The following PTDSS2 variants were observed in gnomAD, a reference collection of about 807,000 sequenced individuals.
The protein encoded by PTDSS2 is phosphatidylserine synthase 2.
Under a neutral mutation model 64.7 loss-of-function variants are expected in PTDSS2, and 41 were observed. The observed-to-expected ratio is 0.63, with a 90% CI of 0.49 to 0.82. The LOEUF (loss-of-function observed/expected upper bound fraction) is 0.82, where lower values mean the gene tolerates loss of function less well. Among genes scored for constraint, PTDSS2 ranks in the 40% least tolerant of loss-of-function variants. The pLI, the probability that PTDSS2 is intolerant of heterozygous loss-of-function variation, is 0.00. For synonymous variants in PTDSS2, 297 were observed against 277.8 expected (o/e 1.07, Z -0.69); for missense variants, 485 against 650.0 (o/e 0.75, Z 2.76).
At chr11:487,599 C>A in intron 6 of PTDSS2, 129 bp downstream of exon 6, 1 of 867,700 alleles carries the variant, frequency 1.2e-6, no homozygotes, top group Non-Finnish European at 1.9e-6. Flanking sequence ...GCACTGCAGC[C>A]ACCCAGAGGT....
Position 489,592 on chromosome 11 carries a change from T to C in PTDSS2, c.974T>C (p.Leu325Pro). The C allele has an allele frequency of 6.2e-7, 1 of 1,601,936 alleles. No individual in the cohort carries two copies. Among genetic ancestry groups the C allele is most frequent in the Admixed American group, 1.7e-5 (1 of 57,780 alleles). The change falls in exon 10 of 12, where the codon CTG becomes CCG. Residue 325 changes from leucine to proline, a missense_variant. Leu to Pro is a moderately conservative substitution (Grantham distance 98). Transcript: ENST00000308020. Reference protein sequence around the residue: ...LAVCGIILVFLLAELNTFYLK... With the variant: ...LAVCGIILVFPLAELNTFYLK... Reference sequence around the variant, plus strand: ...GCTCACCCTCTCCTCCCCTAGTTCCTGTTGGCAGAACTGAACACGTTCTAC... The same window carrying C: ...GCTCACCCTCTCCTCCCCTAGTTCCCGTTGGCAGAACTGAACACGTTCTAC...
intron 4 of PTDSS2, among the ~76,000 whole-genome samples, chr11:482,197 T>A (rs1848103605): frequency 6.7e-6 from 1 of 150,038 alleles, no homozygotes. Context: ...TCCAGCTCAA[T>A]GTTTCCTAGA....
At position 460,044 on chromosome 11, in the gene PTDSS2, C is replaced by T. The variant is rs1207188663; in HGVS notation, c.183-143C>T. On this transcript the variant is annotated intron_variant, in intron 1 of 11. Transcript: ENST00000308020. This position sits in a 1 kb window ranked among gnomAD's most constrained non-coding sequence, Gnocchi z 5.8. ...CATCTCGGAGTTACCCAGCTAGGGA[C>T]TCGCAGCCAGTTGCTGGTTGGGAGT... 2 of 657,178 alleles carry T rather than the reference C, an allele frequency of 3.0e-6. No homozygotes were observed. The highest frequency in any genetic ancestry group is 2.3e-5 in the Admixed American group (1 of 43,700). 40.7% of individuals were successfully genotyped at this position (657,178 alleles called of 1,614,324 possible). A position where few individuals can be genotyped will look rare whatever the true frequency, so the allele number is the denominator to read the frequency against.
intron 4 of PTDSS2, 66 bp from the exon 5 acceptor site, chr11:486,873 A>G: frequency 1.3e-6 from 2 of 1,534,330 alleles, no homozygotes; most frequent in Non-Finnish European, 1.8e-6. Context: ...ATAAACAACC[A>G]TGATCTCCCG....
Position 476,522 on chromosome 11 carries a change from C to T in PTDSS2, c.367+2545C>T, listed in dbSNP as rs536842599. ...GCACCAAATCCCTCCTGGGTGGCGGCATCACTGGGGACTGGGACGCAGCCG... is the reference window on the plus strand; with the variant it reads ...GCACCAAATCCCTCCTGGGTGGCGGTATCACTGGGGACTGGGACGCAGCCG... On this transcript the variant is annotated intron_variant, in intron 3 of 11. Coordinates refer to ENST00000308020, the MANE Select transcript of PTDSS2 (RefSeq NM_030783.3). This position sits in a 1 kb window ranked among gnomAD's most constrained non-coding sequence, Gnocchi z 4.9. Among the ~76,000 whole-genome samples the T allele has an allele frequency of 1.3e-5, 2 of 152,250 alleles. No homozygotes were observed. The highest frequency in any genetic ancestry group is 3.9e-4 in the East Asian group (2 of 5,170).
chr11:486,256 C>G (rs902804635), intron 4 of PTDSS2, among the ~76,000 whole-genome samples: 2 of 152,054 alleles, frequency 1.3e-5, no homozygotes, highest in Non-Finnish European at 2.9e-5. Flanking sequence ...ACAAGGGCGA[C>G]TCCTGTGAGG....
At position 482,003 on chromosome 11, in the gene PTDSS2, C is replaced by G. The variant is rs1448153045; in HGVS notation, c.435+2851C>G. Among the ~76,000 whole-genome samples the G allele has an allele frequency of 2.0e-5, 3 of 151,524 alleles. No individual in the cohort carries two copies. The East Asian group carries it at 5.8e-4, about 29-fold the overall frequency. On this transcript the variant is annotated intron_variant, in intron 4 of 11. Coordinates refer to ENST00000308020, the MANE Select transcript of PTDSS2 (RefSeq NM_030783.3). ...GATTACAGGCATGCACCACCATGCC[C>G]AGCTAATTTTTTTTTTTTAATTTTT...
At position 474,891 on chromosome 11, in the gene PTDSS2, G is replaced by A. The variant is rs142613557; in HGVS notation, c.367+914G>A. ...GACATATTCACGTGTTTGTGTGTGC[G>A]GACATATTCACACGTTCGTGTACGG... On this transcript the variant is annotated intron_variant, in intron 3 of 11. Coordinates refer to ENST00000308020, the MANE Select transcript of PTDSS2 (RefSeq NM_030783.3). Among the ~76,000 whole-genome samples, 1,026 of 150,248 alleles carry A rather than the reference G, an allele frequency of 6.8e-3. 9 individuals are homozygous for A. Among genetic ancestry groups the A allele is most frequent in the Admixed American group, 0.013 (193 of 15,116 alleles).
At position 488,538 on chromosome 11, in the gene PTDSS2, G is replaced by C; in HGVS notation, c.745G>C (p.Asp249His). The change falls in exon 8 of 12, where the codon GAC (aspartate) becomes CAC (histidine). Residue 249 changes from aspartate (D) to histidine (H), a missense_variant. Asp to His is a moderately conservative substitution (Grantham distance 81). This residue lies in a region of PTDSS2 where 251 missense variants were observed against 348.0 expected (regional missense o/e 0.72). Coordinates refer to ENST00000308020, the MANE Select transcript of PTDSS2 (RefSeq NM_030783.3). Reference protein sequence around the residue: ...SECWWDHWIMDVLVCNGLGIY... With the variant: ...SECWWDHWIMHVLVCNGLGIY... ...TGGCCCCTCCCTGCAGTGGATCATG[G>C]ACGTGCTCGTCTGCAACGGGCTGGG... is the stretch of plus-strand genomic sequence containing the variant. The C allele has an allele frequency of 6.2e-7, 1 of 1,613,300 alleles. No individual in the cohort carries two copies. The highest frequency in any genetic ancestry group is 8.5e-7 in the Non-Finnish European group (1 of 1,179,822).
intron 4 of PTDSS2, among the ~76,000 whole-genome samples, chr11:483,785 G>T (rs1289738648): frequency 6.6e-6 from 1 of 152,096 alleles, no homozygotes; most frequent in Non-Finnish European, 1.5e-5. Context: ...GGAATGTCTT[G>T]TTCTGGCTTT....
intron 1 of PTDSS2, among the ~76,000 whole-genome samples, chr11:456,098 A>T: frequency 6.6e-6 from 1 of 151,846 alleles, no homozygotes. Context: ...CCTGGCTGTC[A>T]TCACGTCGTT....
At chr11:453,036 G>A (rs570835246) in intron 1 of PTDSS2, among the ~76,000 whole-genome samples, 9 of 152,042 alleles carry the variant, frequency 5.9e-5, no homozygotes, top group African/African-American at 1.9e-4. Flanking sequence ...CAGCCAGGGC[G>A]TTCATTTTCA....
rs189259317 is a variant in PTDSS2 at position 485,400 on chromosome 11, G to A, written c.436-1539G>A. On this transcript the variant is annotated intron_variant, in intron 4 of 11. Coordinates refer to ENST00000308020, the MANE Select transcript of PTDSS2 (RefSeq NM_030783.3). Reference sequence around the variant, plus strand: ...GGGCATGTGTGCTGTGTGTGTGCAGGCGACCGTAAACAGTGCACGGACGCG... The same window carrying A: ...GGGCATGTGTGCTGTGTGTGTGCAGACGACCGTAAACAGTGCACGGACGCG... 1.4e-3 allele frequency among the ~76,000 whole-genome samples: 200 copies of A among 144,244 alleles called. 1 individual carries two copies. Among genetic ancestry groups the A allele is most frequent in the African/African-American group, 5.0e-3 (192 of 38,536 alleles). 94.6% of individuals were successfully genotyped at this position (144,244 alleles called of 152,430 possible). A position where few individuals can be genotyped will look rare whatever the true frequency, so the allele number is the denominator to read the frequency against.
intron 2 of PTDSS2, among the ~76,000 whole-genome samples, chr11:464,449 C>T: frequency 6.6e-6 from 1 of 152,000 alleles, no homozygotes; most frequent in African/African-American, 2.4e-5. Flanking sequence ...AGTGCCTCAC[C>T]CCGGCTCGGG....
Position 462,588 on chromosome 11 carries a change from C to T in PTDSS2, c.284+2300C>T, listed in dbSNP as rs1846941930. On this transcript the variant is annotated intron_variant, in intron 2 of 11. Coordinates refer to ENST00000308020, the MANE Select transcript of PTDSS2 (RefSeq NM_030783.3). The surrounding 1 kb of genome is among the most constrained non-coding windows in gnomAD (Gnocchi z 4.5). ...GAAGGCTCGGCTGCCCCAGGTCACC[C>T]TGGCACTGACCGTGGCTCTGTGGCT... 6.6e-6 allele frequency among the ~76,000 whole-genome samples: 1 copy of T among 152,214 alleles called. No individual in the cohort carries two copies. The highest frequency in any genetic ancestry group is 2.4e-5 in the African/African-American group (1 of 41,472).
At position 479,117 on chromosome 11, in the gene PTDSS2, G is replaced by A; in HGVS notation, c.400G>A (p.Val134Ile). Reference sequence around the variant, plus strand: ...GAGGTTTTGGCTCTGCGTGAGTGTGGTCTACGAGCTGTTTCTCATCTTTAT... The same window carrying A: ...GAGGTTTTGGCTCTGCGTGAGTGTGATCTACGAGCTGTTTCTCATCTTTAT... ...YWRFWLCVSV[V>I]YELFLIFILF... The change falls in exon 4 of 12, where the codon GTC becomes ATC. Residue 134 changes from valine (V) to isoleucine (I), a missense_variant. Physicochemically the swap from Val to Ile is conservative, Grantham distance 29. Transcript: ENST00000308020. This position sits in a 1 kb window ranked among gnomAD's most constrained non-coding sequence, Gnocchi z 4.2. 6.2e-7 allele frequency: 1 copy of A among 1,614,182 alleles called. No individual in the cohort carries two copies. Among genetic ancestry groups the A allele is most frequent in the Non-Finnish European group, 8.5e-7 (1 of 1,179,992 alleles).
At position 461,575 on chromosome 11, in the gene PTDSS2, T is replaced by A. The variant is rs895680513; in HGVS notation, c.284+1287T>A. Among the ~76,000 whole-genome samples the A allele has an allele frequency of 3.3e-5, 5 of 152,152 alleles. No individual in the cohort carries two copies. The highest frequency in any genetic ancestry group is 5.9e-5 in the Non-Finnish European group (4 of 68,018). On this transcript the variant is annotated intron_variant, in intron 2 of 11. Transcript: ENST00000308020. The surrounding 1 kb of genome is among the most constrained non-coding windows in gnomAD (Gnocchi z 4.2). ...TCTCCCTACCCTGCTCCTGGCTGCA[T>A]GCTCTGTGGGTTCTCTCCCACCTTG... is the stretch of plus-strand genomic sequence containing the variant.
rs201974311 is a variant in PTDSS2 at position 489,752 on chromosome 11, C to T, written c.1115+19C>T. The T allele has an allele frequency of 2.8e-5, 45 of 1,603,308 alleles. No homozygotes were observed. The African/African-American group carries it at 4.0e-4, about 14-fold the overall frequency. On this transcript the variant is annotated intron_variant, in intron 10 of 11. Transcript: ENST00000308020. ...ATGACCCGTGAGGGCTGCGGCAGTCCGGGTGGAGACACCCCCGGGGGGCAG... is the reference window on the plus strand; with the variant it reads ...ATGACCCGTGAGGGCTGCGGCAGTCTGGGTGGAGACACCCCCGGGGGGCAG...
intron 3 of PTDSS2, among the ~76,000 whole-genome samples, chr11:475,068 A>G (rs547624769): frequency 2.7e-4 from 39 of 143,288 alleles, no homozygotes; most frequent in African/African-American, 9.6e-4. Context: ...TTTGTGTGAT[A>G]TGGACACATT....
Sources: gnomAD v4.1 joint callset for allele counts (sites outside exome capture counted in the v4.1 genomes callset) on GRCh38, gnomAD v4.1.1 for gene constraint, gnomAD v4.1.1 regional missense constraint, Gnocchi (gnomAD v3.1) non-coding constraint, MANE v1.5 for transcripts, NCBI Gene and HGNC (gene_info 2026-07-23, HGNC 2026-07-21) for gene names.